Variants in GPC5 observed in about 807,000 individuals in gnomAD.
GPC5 encodes glypican-5.
Under a neutral mutation model 53.9 loss-of-function variants are expected in GPC5, and 47 were observed. That is an observed-to-expected ratio of 0.87 (90% CI 0.69 to 1.11). The LOEUF (loss-of-function observed/expected upper bound fraction) is 1.11. Ranked by LOEUF, GPC5 falls within the 50% of genes most tolerant of loss-of-function variation. The pLI, the probability that GPC5 is intolerant of heterozygous loss-of-function variation, is 0.00. For missense variants in GPC5, 748 were observed against 713.1 expected, an observed-to-expected ratio of 1.05 and a Z score of -0.56; for synonymous variants, 286 against 263.3, an observed-to-expected ratio of 1.09 and a Z score of -0.84.
intron 7 of GPC5, among the ~76,000 whole-genome samples, chr13:92,347,058 G>C (rs1028748394): frequency 1.3e-5 from 2 of 152,050 alleles, no homozygotes; most frequent in African/African-American, 4.8e-5. Flanking sequence ...ACACCATGAA[G>C]AGACCAAACT....
chr13:92,786,010 T>C (rs1042596666), intron 7 of GPC5, among the ~76,000 whole-genome samples: 2 of 152,234 alleles, frequency 1.3e-5, no homozygotes, highest in Non-Finnish European at 2.9e-5. Flanking sequence ...AAATCAACCC[T>C]TGTCAAAATA....
chr13:91,987,284 C>G (rs943843307), intron 6 of GPC5, among the ~76,000 whole-genome samples: 7 of 152,162 alleles, frequency 4.6e-5, no homozygotes, highest in Non-Finnish European at 4.4e-5. Flanking sequence ...TCTTCCCTGC[C>G]TCTCCTACTA....
At chr13:91,591,669 T>A (rs1386429922) in intron 2 of GPC5, among the ~76,000 whole-genome samples, 1 of 152,236 alleles carries the variant, frequency 6.6e-6, no homozygotes, top group Non-Finnish European at 1.5e-5. Context: ...GTCTGAGTGT[T>A]GATTCAAATA....
intron 5 of GPC5, among the ~76,000 whole-genome samples, chr13:91,892,084 A>AT (rs1195510192): frequency 1.3e-5 from 2 of 152,044 alleles, no homozygotes; most frequent in Non-Finnish European, 2.9e-5. Context: ...AATCTTTAGA[A>AT]TACTCACATT....
intron 6 of GPC5, among the ~76,000 whole-genome samples, chr13:92,013,347 C>T (rs1034690699): frequency 6.6e-6 from 1 of 152,146 alleles, no homozygotes; most frequent in Non-Finnish European, 1.5e-5. Context: ...TCAGCTGGTT[C>T]TTTTCTAAAG....
At chr13:91,486,049 C>T (rs1171441486) in intron 2 of GPC5, 1 of 152,220 alleles carries the variant, frequency 6.6e-6, no homozygotes, top group Non-Finnish European at 1.5e-5. Context: ...CTGGCTCAGG[C>T]TGCAGAGCCA....
intron 7 of GPC5, among the ~76,000 whole-genome samples, chr13:92,622,547 G>A (rs530193952): frequency 6.6e-6 from 1 of 151,942 alleles, no homozygotes; most frequent in African/African-American, 2.4e-5. Flanking sequence ...CTAACATTTT[G>A]TACTATTCCA....
intron 1 of GPC5, among the ~76,000 whole-genome samples, chr13:91,402,420 A>G (rs937644864): frequency 1.3e-5 from 2 of 152,176 alleles, no homozygotes; most frequent in African/African-American, 4.8e-5. Context: ...ATCAAATCTT[A>G]TTATTGCTCC....
chr13:92,382,963 A>T (rs568333657), intron 7 of GPC5, among the ~76,000 whole-genome samples: 44 of 145,432 alleles, frequency 3.0e-4, no homozygotes, highest in South Asian at 2.4e-3. Flanking sequence ...AGATCGTGCC[A>T]CTGCACTCCA....
chr13:92,566,641 A>G (rs1882872579), intron 7 of GPC5, among the ~76,000 whole-genome samples: 1 of 152,190 alleles, frequency 6.6e-6, no homozygotes, highest in East Asian at 1.9e-4. Context: ...ATCTGGCTCT[A>G]GTGTTATGGT....
chr13:92,527,541 A>C lies in GPC5; in HGVS notation c.1562-338741A>C, dbSNP rs2138982229. Among the ~76,000 whole-genome samples, 5 of 152,222 alleles carry C rather than the reference A, an allele frequency of 3.3e-5. No individual in the cohort carries two copies. The East Asian group carries it at 7.7e-4, about 24-fold the overall frequency. On this transcript the variant is annotated intron_variant, in intron 7 of 7. Coordinates refer to ENST00000377067, the MANE Select transcript of GPC5 (RefSeq NM_004466.6). ...AGCTTGAGAAGAGTAAAATCACGGC[A>C]GTAATGGATAGGTAATGTCAGGTAG...
intron 2 of GPC5, among the ~76,000 whole-genome samples, chr13:91,538,437 G>A (rs570675486): frequency 1.4e-4 from 21 of 152,084 alleles, no homozygotes; most frequent in Admixed American, 8.5e-4. Flanking sequence ...GTAAAACTGC[G>A]TACTATTTTT....
intron 6 of GPC5, among the ~76,000 whole-genome samples, chr13:92,112,349 A>G (rs548966721): frequency 6.6e-6 from 1 of 152,238 alleles, no homozygotes; most frequent in South Asian, 2.1e-4. Context: ...AAAGAGATGG[A>G]TGAGGAATCG....
chr13:92,457,601 A>T (rs1052593424), intron 7 of GPC5, among the ~76,000 whole-genome samples: 3 of 152,186 alleles, frequency 2.0e-5, no homozygotes, highest in Non-Finnish European at 2.9e-5. Context: ...TAATTATAGG[A>T]TGAATTCCAA....
chr13:91,404,999 C>A (rs908539043), intron 1 of GPC5, among the ~76,000 whole-genome samples: 1 of 152,098 alleles, frequency 6.6e-6, no homozygotes, highest in Non-Finnish European at 1.5e-5. Flanking sequence ...TCTTTCTAAG[C>A]CTGATTTTTT....
chr13:92,409,607 G>A (rs767818992), intron 7 of GPC5, among the ~76,000 whole-genome samples: 93 of 152,144 alleles, frequency 6.1e-4, no homozygotes, highest in Admixed American at 3.9e-3. Context: ...AAGCACTTCT[G>A]AAGGAAAATT....
chr13:92,087,637 A>G (rs2041346145), intron 6 of GPC5, among the ~76,000 whole-genome samples: 1 of 152,102 alleles, frequency 6.6e-6, no homozygotes, highest in East Asian at 1.9e-4. Context: ...GTGATGAGTG[A>G]TCCTTCCTCT....
chr13:92,614,673 A>C (rs1237034243), intron 7 of GPC5, among the ~76,000 whole-genome samples: 4 of 152,170 alleles, frequency 2.6e-5, no homozygotes, highest in Non-Finnish European at 5.9e-5. Flanking sequence ...TCTGGATTCA[A>C]TGTCTATGTC....
chr13:91,662,534 GAGA>G (rs199968389), intron 2 of GPC5, among the ~76,000 whole-genome samples: 5,056 of 152,274 alleles, frequency 0.033, 145 homozygotes, highest in African/African-American at 0.066. Flanking sequence ...GTAAAAGTAT[GAGA>G]AGAATTTTTC....
Sources: allele counts gnomAD v4.1 joint callset (sites outside exome capture counted in the v4.1 genomes callset), GRCh38; gene constraint gnomAD v4.1.1; transcripts MANE v1.5; gene names NCBI Gene and HGNC (gene_info 2026-07-23, HGNC 2026-07-21).